RBFOX3: variants seen among roughly 807,000 people sequenced by gnomAD.
RBFOX3 encodes RNA binding fox-1 homolog 3.
A neutral mutation model predicts 48.7 loss-of-function variants in RBFOX3; 17 were observed. The ratio of observed to expected loss-of-function variants is 0.35; its 90% confidence interval spans 0.24 to 0.52. RBFOX3 has a LOEUF of 0.52. RBFOX3 is among the 20% of genes least tolerant of loss of function. The pLI is 0.94. For missense variants in RBFOX3, 382 were observed against 497.5 expected (o/e 0.77, Z 2.21); for synonymous variants, 212 against 209.5 (o/e 1.01, Z -0.10).
chr17:79,526,992 G>C (rs2086884185), intron 1 of RBFOX3, among the ~76,000 whole-genome samples: 1 of 152,176 alleles, frequency 6.6e-6, no homozygotes, highest in South Asian at 2.1e-4. Flanking sequence ...TCACCTGTCA[G>C]CCCCATGACC....
chr17:79,429,772 A>G (rs1555727476), intron 2 of RBFOX3, among the ~76,000 whole-genome samples: 1 of 152,192 alleles, frequency 6.6e-6, no homozygotes, highest in African/African-American at 2.4e-5. Flanking sequence ...AGTGAGATCC[A>G]GGATCTGATG....
chr17:79,297,098 G>T (rs2074506976), intron 3 of RBFOX3, among the ~76,000 whole-genome samples: 1 of 151,468 alleles, frequency 6.6e-6, no homozygotes, highest in Non-Finnish European at 1.5e-5. Context: ...TTCTTAAAGT[G>T]ATGCCCAAGG....
At chr17:79,115,424 CA>C (rs1237611239) in intron 5 of RBFOX3, 69 bp downstream of exon 5, 2 of 1,040,058 alleles carry the variant, frequency 1.9e-6, no homozygotes, top group African/African-American at 3.3e-5. Context: ...CCTTCTGGGC[CA>C]CCCTTCTTCT....
intron 2 of RBFOX3, among the ~76,000 whole-genome samples, chr17:79,368,994 C>G (rs1345437842): frequency 6.6e-6 from 1 of 152,158 alleles, no homozygotes; most frequent in African/African-American, 2.4e-5. Flanking sequence ...GTCACTCGCT[C>G]ACCGCCGCCT....
At chr17:79,394,725 A>G (rs2061776364) in intron 2 of RBFOX3, among the ~76,000 whole-genome samples, 1 of 152,146 alleles carries the variant, frequency 6.6e-6, no homozygotes, top group Non-Finnish European at 1.5e-5. Flanking sequence ...AATTGTTCCA[A>G]CACTGAAGCC....
At chr17:79,294,078 C>T (rs184223625) in intron 3 of RBFOX3, among the ~76,000 whole-genome samples, 24 of 152,292 alleles carry the variant, frequency 1.6e-4, no homozygotes, top group Admixed American at 1.2e-3. Context: ...CATACTGCAG[C>T]CTACTATGCT....
intron 4 of RBFOX3, among the ~76,000 whole-genome samples, chr17:79,196,467 C>A (rs1273088088): frequency 6.6e-6 from 1 of 152,230 alleles, no homozygotes; most frequent in Non-Finnish European, 1.5e-5. Flanking sequence ...TCCCACAATA[C>A]CTTGTGAGGA....
chr17:79,357,490 G>A lies in RBFOX3; in HGVS notation c.-174-49666C>T, dbSNP rs139995475. ...TAAAAATATAAAAAAAATTAGCTGG[G>A]TGTGGTGGCGCACGCCTGTAGTCCC... is the stretch of plus-strand genomic sequence containing the variant. On this transcript the variant is annotated intron_variant, in intron 2 of 14. Coordinates refer to ENST00000693108, the MANE Select transcript of RBFOX3 (RefSeq NM_001350451.2). Among the ~76,000 whole-genome samples the A allele has an allele frequency of 1.1e-4, 17 of 152,258 alleles. No homozygotes were observed. The East Asian group carries it at 1.9e-3, about 17-fold the overall frequency.
At chr17:79,257,365 A>G (rs1462997070) in intron 3 of RBFOX3, among the ~76,000 whole-genome samples, 1 of 152,230 alleles carries the variant, frequency 6.6e-6, no homozygotes, top group African/African-American at 2.4e-5. Context: ...CAATGTTCCA[A>G]TAGCTTCCCC....
At chr17:79,388,383 G>A (rs1406691469) in intron 2 of RBFOX3, among the ~76,000 whole-genome samples, 1 of 152,152 alleles carries the variant, frequency 6.6e-6, no homozygotes, top group East Asian at 1.9e-4. Flanking sequence ...CTGTTTTAGG[G>A]AGCTTTGTCA....
intron 2 of RBFOX3, among the ~76,000 whole-genome samples, chr17:79,456,694 C>T (rs554403845): frequency 6.6e-6 from 1 of 152,316 alleles, no homozygotes; most frequent in Admixed American, 6.5e-5. Flanking sequence ...AGTCAGACCC[C>T]CGGGAGTTCC....
At chr17:79,273,227 C>T (rs921785750) in intron 3 of RBFOX3, among the ~76,000 whole-genome samples, 50 of 152,278 alleles carry the variant, frequency 3.3e-4, no homozygotes, top group African/African-American at 1.2e-3. Context: ...CTTCCACAGC[C>T]GGCCTGAAGC....
In RBFOX3 at chr17:79,414,781, G is replaced by A. The variant is rs963787796; in HGVS notation, c.-175+67673C>T. Among the ~76,000 whole-genome samples the A allele has an allele frequency of 7.9e-4, 119 of 150,082 alleles. 1 individual carries two copies. Among genetic ancestry groups the A allele is most frequent in the African/African-American group, 2.7e-3 (108 of 39,412 alleles). ...GAACAGCCTCTGCACTCCCGCTGGCGCGAACAGGCTCTGGTGAAAAGATGG... is the reference window on the plus strand; with the variant it reads ...GAACAGCCTCTGCACTCCCGCTGGCACGAACAGGCTCTGGTGAAAAGATGG... On this transcript the variant is annotated intron_variant, in intron 2 of 14. Coordinates refer to ENST00000693108, the MANE Select transcript of RBFOX3 (RefSeq NM_001350451.2).
In RBFOX3 at chr17:79,423,074, C is replaced by T. The variant is rs62061667; in HGVS notation, c.-175+59380G>A. Reference sequence around the variant, plus strand: ...CTTCGGGTGCCCCGTGTGCCACGAACTCCCCTCTTTCTGCCTCCAGCCCCA... The same window carrying T: ...CTTCGGGTGCCCCGTGTGCCACGAATTCCCCTCTTTCTGCCTCCAGCCCCA... On this transcript the variant is annotated intron_variant, in intron 2 of 14. Transcript: ENST00000693108. The surrounding 1 kb of genome is among the most constrained non-coding windows in gnomAD (Gnocchi z 4.9). Among the ~76,000 whole-genome samples, 5,690 of 152,294 alleles carry T rather than the reference C, an allele frequency of 0.037. 154 individuals are homozygous for T. The highest frequency in any genetic ancestry group is 0.07 in the South Asian group (339 of 4,826).
At chr17:79,287,169 T>C (rs7223756) in intron 3 of RBFOX3, among the ~76,000 whole-genome samples, 87,853 of 152,148 alleles carry the variant, frequency 0.58, 25,586 homozygotes, top group African/African-American at 0.63. Flanking sequence ...GGACAATCGC[T>C]TCTTCACCCT....
At chr17:79,358,827 T>G (rs1406254390) in intron 2 of RBFOX3, among the ~76,000 whole-genome samples, 1 of 152,218 alleles carries the variant, frequency 6.6e-6, no homozygotes, top group East Asian at 1.9e-4. Context: ...GGCCATTCCA[T>G]TTCGCCATCA....
At chr17:79,608,056 C>T (rs2093875490) in intron 1 of RBFOX3, among the ~76,000 whole-genome samples, 1 of 152,224 alleles carries the variant, frequency 6.6e-6, no homozygotes, top group African/African-American at 2.4e-5. Flanking sequence ...TGAGGGCGGC[C>T]GCCCGCAGCG....
chr17:79,399,756 G>A (rs1050961238), intron 2 of RBFOX3, among the ~76,000 whole-genome samples: 7 of 152,308 alleles, frequency 4.6e-5, no homozygotes, highest in Non-Finnish European at 7.3e-5. Flanking sequence ...AGATGTAGCC[G>A]AGGCCCCTCC....
In RBFOX3 at chr17:79,477,344, C is replaced by T. The variant is rs769668353; in HGVS notation, c.-175+5110G>A. On this transcript the variant is annotated intron_variant, in intron 2 of 14. Coordinates refer to ENST00000693108, the MANE Select transcript of RBFOX3 (RefSeq NM_001350451.2). This position sits in a 1 kb window ranked among gnomAD's most constrained non-coding sequence, Gnocchi z 4.8. The stretch of plus-strand genomic sequence containing the variant: ...GGCCAAGGCAGGTGGATCACGAGGT[C>T]AGGAGATCGAGATCATCCTGGCTAA... Among the ~76,000 whole-genome samples, 2 of 150,450 alleles carry T rather than the reference C, an allele frequency of 1.3e-5. No homozygotes were observed. Among genetic ancestry groups the T allele is most frequent in the Non-Finnish European group, 2.9e-5 (2 of 67,822 alleles).
Sources: allele counts gnomAD v4.1 joint callset (sites outside exome capture counted in the v4.1 genomes callset), GRCh38; gene constraint gnomAD v4.1.1; non-coding constraint Gnocchi (gnomAD v3.1); transcripts MANE v1.5; gene names NCBI Gene and HGNC (gene_info 2026-07-23, HGNC 2026-07-21).